The following SLC10A7 variants were observed in gnomAD, a reference collection of about 807,000 sequenced individuals.
The protein encoded by SLC10A7 is solute carrier family 10 member 7, also known as sodium/bile acid cotransporter 7.
SLC10A7 carries 29 observed loss-of-function variants against 43.2 expected under a neutral mutation model. The ratio of observed to expected loss-of-function variants is 0.67; its 90% CI spans 0.50 to 0.92. The LOEUF (loss-of-function observed/expected upper bound fraction) is 0.92, where lower values mean the gene tolerates loss of function less well. SLC10A7 is among the 40% of genes least tolerant of loss of function. SLC10A7 has a pLI of 0.00. For missense variants in SLC10A7, 295 were observed against 403.2 expected (o/e 0.73, Z 2.30); for synonymous variants, 152 against 144.8 (o/e 1.05, Z -0.35).
intron 10 of SLC10A7, among the ~76,000 whole-genome samples, chr4:146,259,774 C>T (rs1325624615): frequency 1.3e-5 from 2 of 152,224 alleles, no homozygotes; most frequent in African/African-American, 4.8e-5. Flanking sequence ...AATTCAGACA[C>T]TAGCAGTCTA....
intron 4 of SLC10A7, among the ~76,000 whole-genome samples, chr4:146,452,009 G>T (rs1169459535): frequency 6.6e-6 from 1 of 152,022 alleles, no homozygotes; most frequent in African/African-American, 2.4e-5. Context: ...AGAAAAATAA[G>T]TCCCTCCTTG....
intron 4 of SLC10A7, among the ~76,000 whole-genome samples, chr4:146,492,681 TAATA>T (rs1219103470): frequency 6.6e-6 from 1 of 152,222 alleles, no homozygotes; most frequent in Non-Finnish European, 1.5e-5. Flanking sequence ...GCCATGTTCT[TAATA>T]AATAGTCTGA....
intron 10 of SLC10A7, among the ~76,000 whole-genome samples, chr4:146,268,411 G>T (rs116713877): frequency 0.014 from 2,133 of 152,170 alleles, 47 homozygotes; most frequent in African/African-American, 0.049. Context: ...AGAAAGGAAC[G>T]ATCTTTCCAG....
chr4:146,342,710 G>T (rs1734354731), intron 5 of SLC10A7, among the ~76,000 whole-genome samples: 2 of 151,298 alleles, frequency 1.3e-5, no homozygotes, highest in Admixed American at 6.6e-5. Flanking sequence ...TTGCTTCAGG[G>T]CCATATTTGA....
intron 5 of SLC10A7, among the ~76,000 whole-genome samples, chr4:146,327,193 G>T (rs928863169): frequency 4.6e-5 from 7 of 152,168 alleles, no homozygotes; most frequent in Non-Finnish European, 8.8e-5. Context: ...ATGACTTTCT[G>T]GGGCATATAC....
intron 1 of SLC10A7, among the ~76,000 whole-genome samples, chr4:146,518,853 T>A (rs778037295): frequency 6.6e-6 from 1 of 151,596 alleles, no homozygotes; most frequent in Non-Finnish European, 1.5e-5. Flanking sequence ...TTGGAGGACA[T>A]CTTGACCTCA....
chr4:146,446,915 C>T (rs1731148792), intron 4 of SLC10A7, among the ~76,000 whole-genome samples: 1 of 151,880 alleles, frequency 6.6e-6, no homozygotes, highest in Non-Finnish European at 1.5e-5. Flanking sequence ...AGTACGATTC[C>T]CTGAAATGTC....
intron 5 of SLC10A7, among the ~76,000 whole-genome samples, chr4:146,327,650 A>T (rs1389861554): frequency 1.3e-5 from 2 of 152,240 alleles, no homozygotes; most frequent in Non-Finnish European, 2.9e-5. Flanking sequence ...TTCAAGAGTA[A>T]GTACAACATG....
chr4:146,287,092 G>C (rs1314211126), intron 9 of SLC10A7, among the ~76,000 whole-genome samples: 1 of 150,612 alleles, frequency 6.6e-6, no homozygotes, highest in Non-Finnish European at 1.5e-5. Context: ...GTTTCGAGTG[G>C]TGAGAAGGAC....
chr4:146,516,817 T>C (rs1371674523), intron 2 of SLC10A7, among the ~76,000 whole-genome samples: 1 of 152,092 alleles, frequency 6.6e-6, no homozygotes, highest in Non-Finnish European at 1.5e-5. Context: ...ACATACTCAT[T>C]ATAACCACAT....
At chr4:146,521,425 C>A (rs75265549) in intron 1 of SLC10A7, among the ~76,000 whole-genome samples, 193 bp downstream of exon 1, 1 of 152,180 alleles carries the variant, frequency 6.6e-6, no homozygotes, top group Non-Finnish European at 1.5e-5. Flanking sequence ...CCCTCAAATT[C>A]CTTTGCCTCG....
At position 146,334,716 on chromosome 4, in the gene SLC10A7, G is replaced by C. The variant is rs1308070858; in HGVS notation, c.436-8720C>G. On this transcript the variant is annotated intron_variant, in intron 5 of 11. Transcript: ENST00000335472. ...CTAGCACAGCTAGAGGGTTTAACTT[G>C]TAGAACAGCAGAGGGTAGGTATCTC... is the stretch of plus-strand genomic sequence containing the variant. Among the ~76,000 whole-genome samples, 4 of 152,164 alleles carry C rather than the reference G, an allele frequency of 2.6e-5. No individual in the cohort carries two copies. In the South Asian group the frequency reaches 8.3e-4, roughly 32 times the overall value.
chr4:146,344,414 G>A (rs188158150), intron 5 of SLC10A7, among the ~76,000 whole-genome samples: 9 of 152,182 alleles, frequency 5.9e-5, no homozygotes, highest in Non-Finnish European at 1.0e-4. Context: ...TTAGAGCCAC[G>A]CTGCCTGAAT....
intron 5 of SLC10A7, among the ~76,000 whole-genome samples, chr4:146,366,120 T>C (rs1736373722): frequency 6.6e-6 from 1 of 152,122 alleles, no homozygotes; most frequent in African/African-American, 2.4e-5. Flanking sequence ...CATGGAAAAA[T>C]TAGCTTCTAC....
intron 5 of SLC10A7, among the ~76,000 whole-genome samples, chr4:146,396,804 G>GA (rs145754832): frequency 0.24 from 35,086 of 145,088 alleles, 4,482 homozygotes; most frequent in African/African-American, 0.35. Context: ...TAAAATCACT[G>GA]AAAAAAAAAA....
At chr4:146,315,587 C>G (rs1732272776) in intron 6 of SLC10A7, among the ~76,000 whole-genome samples, 1 of 152,110 alleles carries the variant, frequency 6.6e-6, no homozygotes, top group African/African-American at 2.4e-5. Context: ...AAATCTACTA[C>G]TATTTAATGA....
In SLC10A7 at chr4:146,503,907, C is replaced by A; in HGVS notation, c.338G>T (p.Cys113Phe). Reference sequence around the variant, plus strand: ...TGCAGAAGACACAGGCGGAGGCATGCAACCTACTGTCTGCAAACTGAAAAA... The same window carrying A: ...TGCAGAAGACACAGGCGGAGGCATGAAACCTACTGTCTGCAAACTGAAAAA... ...WLLKGLQTVG[C>F]MPPPVSSAVI... The change falls in exon 4 of 12, where the codon TGC becomes TTC. Residue 113 changes from cysteine (C) to phenylalanine (F), a missense_variant. Cys to Phe is a radical substitution (Grantham distance 205). Transcript: ENST00000335472. The A allele has an allele frequency of 6.2e-7, 1 of 1,614,124 alleles. No homozygotes were observed. The highest frequency in any genetic ancestry group is 8.5e-7 in the Non-Finnish European group (1 of 1,179,988).
intron 6 of SLC10A7, among the ~76,000 whole-genome samples, chr4:146,318,109 C>A (rs1024332053): frequency 2.6e-5 from 4 of 152,042 alleles, no homozygotes; most frequent in Admixed American, 6.6e-5. Context: ...ATCCGATTGA[C>A]ACAAATATGC....
chr4:146,463,631 C>T (rs1456649438), intron 4 of SLC10A7, among the ~76,000 whole-genome samples: 1 of 151,868 alleles, frequency 6.6e-6, no homozygotes, highest in Non-Finnish European at 1.5e-5. Context: ...TGCCCAGCTA[C>T]TTGGGAGGCT....
Sources: gnomAD v4.1 joint callset for allele counts (sites outside exome capture counted in the v4.1 genomes callset) on GRCh38, gnomAD v4.1.1 for gene constraint, MANE v1.5 for transcripts, NCBI Gene and HGNC (gene_info 2026-07-23, HGNC 2026-07-21) for gene names.